DNAH11: variants seen among roughly 807,000 people sequenced by gnomAD.
DNAH11 encodes dynein axonemal heavy chain 11, also known as axonemal beta dynein heavy chain 11.
Under a neutral mutation model 526.0 loss-of-function variants are expected in DNAH11, and 442 were observed. The observed-to-expected ratio is 0.84, with a 90% CI of 0.78 to 0.91. The LOEUF (loss-of-function observed/expected upper bound fraction) is 0.91. Ranked by LOEUF, DNAH11 falls within the 40% of genes least tolerant of loss-of-function variation. DNAH11 has a pLI of 0.00. For missense variants in DNAH11, 6,989 were observed against 5,448.7 expected, an observed-to-expected ratio of 1.28 and a Z score of -8.90; for synonymous variants, 2,461 against 1,935.9, an observed-to-expected ratio of 1.27 and a Z score of -7.12.
At chr7:21,815,279 A>T (rs1789731003) in intron 63 of DNAH11, among the ~76,000 whole-genome samples, 2 of 152,224 alleles carry the variant, frequency 1.3e-5, no homozygotes, top group Admixed American at 1.3e-4. Flanking sequence ...TACCTCTTGC[A>T]GATAGAAGAT....
At chr7:21,728,855 C>A (rs1490411943) in intron 45 of DNAH11, among the ~76,000 whole-genome samples, 1 of 152,214 alleles carries the variant, frequency 6.6e-6, no homozygotes, top group Admixed American at 6.5e-5. Flanking sequence ...GAGCAAATTC[C>A]TTTAGATTCT....
intron 79 of DNAH11, 76 bp from the exon 80 acceptor site, chr7:21,899,260 C>A: frequency 8.3e-7 from 1 of 1,198,566 alleles, no homozygotes; most frequent in Non-Finnish European, 1.2e-6. Context: ...CTGCCCTAAC[C>A]GCCCACAACA....
Position 21,560,030 on chromosome 7 carries a change from G to A in DNAH11, c.882+238G>A, listed in dbSNP as rs570298714. ...TGATTGGAAATATTGTGCTACCTTG[G>A]AAGAGCAGTACTTACCCAGGGAAGC... On this transcript the variant is annotated intron_variant, in intron 4 of 81. Coordinates refer to ENST00000409508, the MANE Select transcript of DNAH11 (RefSeq NM_001277115.2). 5.3e-5 allele frequency among the ~76,000 whole-genome samples: 8 copies of A among 152,252 alleles called. No homozygotes were observed. In the Middle Eastern group the frequency reaches 0.01, roughly 194 times the overall value.
chr7:21,866,830 A>G (rs771099400), intron 71 of DNAH11, among the ~76,000 whole-genome samples, 167 bp downstream of exon 71: 38 of 152,338 alleles, frequency 2.5e-4, no homozygotes, highest in Non-Finnish European at 1.2e-4. Context: ...TTTGCTAAAC[A>G]CTAAACCATG....
At chr7:21,827,728 A>G (rs551677679) in intron 65 of DNAH11, among the ~76,000 whole-genome samples, 1 of 152,188 alleles carries the variant, frequency 6.6e-6, no homozygotes, top group African/African-American at 2.4e-5. Context: ...CCTGAAAGTT[A>G]TGCTAAGATT....
chr7:21,888,462 C>T (rs947164430), intron 76 of DNAH11, among the ~76,000 whole-genome samples: 1 of 151,996 alleles, frequency 6.6e-6, no homozygotes, highest in Non-Finnish European at 1.5e-5. Flanking sequence ...TGTGCCTGCC[C>T]CTGATTTCAA....
intron 5 of DNAH11, among the ~76,000 whole-genome samples, chr7:21,563,487 C>T (rs1783544784): frequency 6.6e-6 from 1 of 152,114 alleles, no homozygotes; most frequent in South Asian, 2.1e-4. Flanking sequence ...TGAACCACTG[C>T]ACCTGGCCCG....
chr7:21,691,178 CTTTTT>C lies in DNAH11; in HGVS notation c.6041+306_6041+310del, dbSNP rs559356874. ...CATAATCTTTCATAATTTTTTTTTT[CTTTTT>C]TTTTTTTTAACAGTCAAAGTGCATT... On this transcript the variant is annotated intron_variant, in intron 35 of 81. Coordinates refer to ENST00000409508, the MANE Select transcript of DNAH11 (RefSeq NM_001277115.2). 2.7e-4 allele frequency among the ~76,000 whole-genome samples: 18 copies of C among 67,176 alleles called. No individual in the cohort carries two copies. The South Asian group carries it at 0.011, about 39-fold the overall frequency. The allele number at this position is 67,176 out of a possible 152,430, so 44.1% of individuals were successfully genotyped here. A position where few individuals can be genotyped will look rare whatever the true frequency, so the allele number is the denominator to read the frequency against.
In DNAH11 at chr7:21,638,933, A is replaced by T. The variant is rs764444413; in HGVS notation, c.4818-6A>T. 2.5e-6 allele frequency: 4 copies of T among 1,599,846 alleles called. No homozygotes were observed. The highest frequency in any genetic ancestry group is 1.1e-5 in the South Asian group (1 of 87,782). ...ATATGCTTAAAAACATTTTTCATTC[A>T]TGTAGGCTTTCTCTTTGTGAAAAAG... On this transcript the variant is annotated splice_polypyrimidine_tract_variant and splice_region_variant and intron_variant, in intron 27 of 81. Coordinates refer to ENST00000409508, the MANE Select transcript of DNAH11 (RefSeq NM_001277115.2).
intron 62 of DNAH11, 32 bp from the exon 63 acceptor site, chr7:21,807,851 A>G (rs746491312): frequency 3.0e-5 from 48 of 1,573,992 alleles, no homozygotes; most frequent in South Asian, 4.6e-5. Context: ...TCAGCCTGCA[A>G]TTACAGCTGA....
chr7:21,606,653 C>T lies in DNAH11; in HGVS notation c.3772C>T (p.Gln1258Ter). The T allele has an allele frequency of 2.7e-6, 4 of 1,487,122 alleles. No individual in the cohort carries two copies. The highest frequency in any genetic ancestry group is 3.7e-6 in the Non-Finnish European group (4 of 1,094,736). 92.1% of individuals were successfully genotyped at this position (1,487,122 alleles called of 1,614,324 possible). Residue 1258 changes from glutamine to a stop codon, truncating the protein, a stop_gained, in exon 20 of 82, where the codon CAG becomes TAG. Transcript: ENST00000409508. LOFTEE classifies it high-confidence loss of function. Reference sequence around the variant, plus strand: ...TTTTTTTTGCAATGATCAGGCAAAGCAGGCAGAGTTCAGAGAGAGATTCAG... The same window carrying T: ...TTTTTTTTGCAATGATCAGGCAAAGTAGGCAGAGTTCAGAGAGAGATTCAG... ...RKKCILFDAK[Q>*]AEFRERFRHY...
At position 21,742,112 on chromosome 7, in the gene DNAH11, G is replaced by C. The variant is rs72657365; in HGVS notation, c.8100G>C (p.Thr2700=). 1 of 1,613,670 alleles carries C rather than the reference G, an allele frequency of 6.2e-7. No homozygotes were observed. Among genetic ancestry groups the C allele is most frequent in the African/African-American group, 1.3e-5 (1 of 74,868 alleles). Residue 2700 remains threonine, a synonymous_variant, in exon 49 of 82, where the codon ACG becomes ACC. Coordinates refer to ENST00000409508, the MANE Select transcript of DNAH11 (RefSeq NM_001277115.2). Reference sequence around the variant, plus strand: ...CAATGATGTGTAACTTTTTACCCACGGCTATTAAATTCCACTACATCTTTA... The same window carrying C: ...CAATGATGTGTAACTTTTTACCCACCGCTATTAAATTCCACTACATCTTTA... ...HQTMMCNFLP[T]AIKFHYIFNL...
intron 65 of DNAH11, among the ~76,000 whole-genome samples, chr7:21,818,622 A>G (rs775533202): frequency 2.0e-5 from 3 of 152,120 alleles, no homozygotes; most frequent in Admixed American, 1.3e-4. Flanking sequence ...ATTTATACCA[A>G]TGTTTCTCTA....
At position 21,901,098 on chromosome 7, in the gene DNAH11, C is replaced by T. The variant is rs763264851; in HGVS notation, c.13395C>T (p.Thr4465=). The part of the protein sequence containing the change: ...CPMPVIFAKA[T]PVDRQETKQT... ...TGCCGGTCATCTTTGCAAAAGCCAC[C>T]CCCGTGGACAGACAAGAAACCAAAC... Residue 4465 remains threonine, a synonymous_variant, in exon 82 of 82, where the codon ACC becomes ACT. Coordinates refer to ENST00000409508, the MANE Select transcript of DNAH11 (RefSeq NM_001277115.2). 1.2e-6 allele frequency: 2 copies of T among 1,613,474 alleles called. No individual in the cohort carries two copies. Among genetic ancestry groups the T allele is most frequent in the African/African-American group, 2.7e-5 (2 of 74,904 alleles).
chr7:21,800,812 C>T (rs1269220748), intron 61 of DNAH11, among the ~76,000 whole-genome samples: 1 of 152,064 alleles, frequency 6.6e-6, no homozygotes, highest in East Asian at 1.9e-4. Context: ...GGTGCAAGAG[C>T]AGAGGGGGAT....
chr7:21,573,759 C>G (rs1310421156), intron 8 of DNAH11, among the ~76,000 whole-genome samples: 1 of 152,104 alleles, frequency 6.6e-6, no homozygotes, highest in African/African-American at 2.4e-5. Flanking sequence ...TTGCATTCAC[C>G]CCCATGTTCC....
intron 65 of DNAH11, among the ~76,000 whole-genome samples, chr7:21,837,608 G>T (rs1482439527): frequency 6.6e-6 from 1 of 152,034 alleles, no homozygotes; most frequent in African/African-American, 2.4e-5. Context: ...TTGGTCAATG[G>T]TTACAAAATT....
chr7:21,633,469 A>T (rs1183263487), intron 25 of DNAH11, among the ~76,000 whole-genome samples: 1 of 152,120 alleles, frequency 6.6e-6, no homozygotes, highest in East Asian at 1.9e-4. Context: ...TTAATATTTG[A>T]TTTATATATT....
intron 27 of DNAH11, among the ~76,000 whole-genome samples, chr7:21,638,691 G>GGTGTGTGTGT (rs56257528): frequency 2.1e-3 from 301 of 144,212 alleles, no homozygotes; most frequent in African/African-American, 5.9e-3. Flanking sequence ...CAGCTAATGG[G>GGTGTGTGTGT]GTGTGTGTGT....
Sources: gnomAD v4.1 joint callset for allele counts (sites outside exome capture counted in the v4.1 genomes callset) on GRCh38, gnomAD v4.1.1 for gene constraint, MANE v1.5 for transcripts, NCBI Gene and HGNC (gene_info 2026-07-23, HGNC 2026-07-21) for gene names.